The following EPN2 variants were observed in gnomAD, a reference collection of about 807,000 sequenced individuals.
EPN2 encodes epsin 2.
A neutral mutation model predicts 61.7 loss-of-function variants in EPN2; 34 were observed. That is an observed-to-expected ratio of 0.55 (90% CI 0.42 to 0.73). The LOEUF is 0.73. EPN2 is among the 30% of genes least tolerant of loss of function. The pLI, the probability that EPN2 is intolerant of heterozygous loss-of-function variation, is 0.00. For synonymous variants in EPN2, 349 were observed against 353.6 expected (o/e 0.99, Z 0.15); for missense variants, 714 against 839.2 (o/e 0.85, Z 1.84).
At chr17:19,310,785 T>A (rs1416491846) in intron 5 of EPN2, among the ~76,000 whole-genome samples, 1 of 151,824 alleles carries the variant, frequency 6.6e-6, no homozygotes, top group Non-Finnish European at 1.5e-5. Flanking sequence ...ACCATGTTGG[T>A]CGGGCTGGTC....
rs374621799 is a variant in EPN2, at chr17:19,327,695, T to C, written c.1148-1016T>C. ...TGATAAATAAATGAATACACACACA[T>C]ATTTAGACACACATACATATACATA... On this transcript the variant is annotated intron_variant, in intron 7 of 10. Transcript: ENST00000314728. Among the ~76,000 whole-genome samples the C allele has an allele frequency of 5.9e-5, 9 of 152,084 alleles. No homozygotes were observed. In the South Asian group the frequency reaches 6.2e-4, roughly 11 times the overall value.
intron 4 of EPN2, among the ~76,000 whole-genome samples, chr17:19,308,898 G>T (rs1208580777): frequency 6.6e-6 from 1 of 152,204 alleles, no homozygotes; most frequent in Admixed American, 6.5e-5. Context: ...CTCCCGTGGG[G>T]TTTGTTACAT....
chr17:19,248,541 T>A (rs2044978137), intron 1 of EPN2: 1 of 152,224 alleles, frequency 6.6e-6, no homozygotes, highest in Admixed American at 6.5e-5. Flanking sequence ...TTAGATAGAT[T>A]CAGTTTATTA....
At chr17:19,258,042 G>A (rs192606529) in intron 1 of EPN2, 32 of 153,710 alleles carry the variant, frequency 2.1e-4, no homozygotes, top group Admixed American at 6.5e-4. Context: ...GGGAGGCCAG[G>A]AGGGAGCTGT....
In EPN2 at chr17:19,283,982, G is replaced by A. The variant is rs1040165153; in HGVS notation, c.595+268G>A. Among the ~76,000 whole-genome samples, 2 of 152,198 alleles carry A rather than the reference G, an allele frequency of 1.3e-5. No individual in the cohort carries two copies. The highest frequency in any genetic ancestry group is 2.9e-5 in the Non-Finnish European group (2 of 68,038). On this transcript the variant is annotated intron_variant, in intron 3 of 10. Coordinates refer to ENST00000314728, the MANE Select transcript of EPN2 (RefSeq NM_014964.5). This position sits in a 1 kb window ranked among gnomAD's most constrained non-coding sequence, Gnocchi z 7.0. ...CTCATTCTGTACATCTGGGCAGACG[G>A]TGGGCAGAGGCAGGTCTTTTCTGCT...
In EPN2 at chr17:19,335,578, C is replaced by G; in HGVS notation, c.*1324C>G. On this transcript the variant is annotated 3_prime_UTR_variant, in exon 11 of 11. Coordinates refer to ENST00000314728, the MANE Select transcript of EPN2 (RefSeq NM_014964.5). The stretch of plus-strand genomic sequence containing the variant: ...GCGTGGGGTGGGGGGTGCTTCTGTG[C>G]CCACGGGTCCCTGGGCAACAGTCCC... The G allele has an allele frequency of 1.8e-6, 2 of 1,114,596 alleles. No homozygotes were observed. Among genetic ancestry groups the G allele is most frequent in the Non-Finnish European group, 2.5e-6 (2 of 799,536 alleles). 69.0% of individuals were successfully genotyped at this position (1,114,596 alleles called of 1,614,324 possible). A position where few individuals can be genotyped will look rare whatever the true frequency, so the allele number is the denominator to read the frequency against.
At chr17:19,248,367 G>A (rs774394731) in intron 1 of EPN2, 2 of 152,194 alleles carry the variant, frequency 1.3e-5, no homozygotes, top group Non-Finnish European at 2.9e-5. Flanking sequence ...CTGCATTTTA[G>A]CCACAGAGCA....
chr17:19,249,442 C>T (rs1264953868), intron 1 of EPN2: 1 of 152,234 alleles, frequency 6.6e-6, no homozygotes, highest in Non-Finnish European at 1.5e-5. Context: ...TGTGATTAAA[C>T]AGTCTCTTGG....
At chr17:19,240,822 A>T (rs571499726) in intron 1 of EPN2, among the ~76,000 whole-genome samples, 7 of 152,146 alleles carry the variant, frequency 4.6e-5, no homozygotes, top group Admixed American at 2.0e-4. Flanking sequence ...GCTTGTCTTT[A>T]CTTCTCCAGT....
chr17:19,319,834 G>A (rs1400103958), intron 7 of EPN2, among the ~76,000 whole-genome samples: 1 of 152,140 alleles, frequency 6.6e-6, no homozygotes, highest in Non-Finnish European at 1.5e-5. Flanking sequence ...TTTTATTAGA[G>A]ACAGGGTTTC....
rs186480513 is a variant in EPN2 at position 19,305,612 on chromosome 17, C to A, written c.767-4273C>A. Reference sequence around the variant, plus strand: ...TTCTACCAACTCGATTGCCTTCTTTCACAGTTACCTGAAAGTGGCCCACTG... The same window carrying A: ...TTCTACCAACTCGATTGCCTTCTTTAACAGTTACCTGAAAGTGGCCCACTG... On this transcript the variant is annotated intron_variant, in intron 4 of 10. Transcript: ENST00000314728. Among the ~76,000 whole-genome samples the A allele has an allele frequency of 4.6e-5, 7 of 152,296 alleles. No individual in the cohort carries two copies. The East Asian group carries it at 7.7e-4, about 17-fold the overall frequency.
intron 7 of EPN2, among the ~76,000 whole-genome samples, chr17:19,328,314 C>T (rs1454357432): frequency 1.3e-5 from 2 of 152,074 alleles, no homozygotes; most frequent in Non-Finnish European, 2.9e-5. Flanking sequence ...TGCCTGGGGC[C>T]CCTTGTCTGA....
At chr17:19,292,804 C>A (rs2045478252) in intron 4 of EPN2, among the ~76,000 whole-genome samples, 1 of 152,230 alleles carries the variant, frequency 6.6e-6, no homozygotes, top group Non-Finnish European at 1.5e-5. Context: ...AGTCCATTTG[C>A]TTCTCACAGT....
chr17:19,319,330 A>C lies in EPN2; in HGVS notation c.1147+6051A>C, dbSNP rs138006518. 4.1e-3 allele frequency among the ~76,000 whole-genome samples: 631 copies of C among 152,124 alleles called. 4 individuals carry two copies. Among genetic ancestry groups the C allele is most frequent in the African/African-American group, 0.014 (596 of 41,464 alleles). Reference sequence around the variant, plus strand: ...GATGGAAGGACAGATTCTACTTTTTAAATTTTTTTTTTGAGATGGAGTCTC... The same window carrying C: ...GATGGAAGGACAGATTCTACTTTTTCAATTTTTTTTTTGAGATGGAGTCTC... On this transcript the variant is annotated intron_variant, in intron 7 of 10. Transcript: ENST00000314728.
In EPN2 at chr17:19,303,594, TG is replaced by T. The variant is rs3837834; in HGVS notation, c.767-6286del. Among the ~76,000 whole-genome samples the T allele has an allele frequency of 6.5e-3, 988 of 152,262 alleles. 54 individuals are homozygous for T. The East Asian group carries it at 0.12, about 18-fold the overall frequency. On this transcript the variant is annotated intron_variant, in intron 4 of 10. Coordinates refer to ENST00000314728, the MANE Select transcript of EPN2 (RefSeq NM_014964.5). The stretch of plus-strand genomic sequence containing the variant: ...AGCGTTTTGCTGGGACTGTCATAGA[TG>T]GGGGTATGACGTCACCTGACAGGCA...
intron 1 of EPN2, chr17:19,274,131 A>C (rs1014939042): frequency 6.6e-6 from 1 of 152,328 alleles, no homozygotes; most frequent in South Asian, 2.1e-4. Flanking sequence ...GGAGTATTGC[A>C]CACATTCAGG....
intron 4 of EPN2, among the ~76,000 whole-genome samples, chr17:19,287,163 C>T (rs893579195): frequency 2.0e-5 from 3 of 151,938 alleles, no homozygotes; most frequent in Admixed American, 1.3e-4. Flanking sequence ...TCCCCCACTG[C>T]GGCTGTCTTT....
intron 1 of EPN2, among the ~76,000 whole-genome samples, chr17:19,245,125 A>G (rs949637056): frequency 2.6e-5 from 4 of 152,170 alleles, no homozygotes; most frequent in African/African-American, 7.2e-5. Flanking sequence ...AGTTGTTTCT[A>G]TGATAACAGC....
At chr17:19,321,937 C>T (rs536805589) in intron 7 of EPN2, among the ~76,000 whole-genome samples, 9 of 152,274 alleles carry the variant, frequency 5.9e-5, no homozygotes, top group African/African-American at 2.2e-4. Context: ...CCAGCTGGGA[C>T]AGAGAGCTGA....
Sources: gnomAD v4.1 joint callset for allele counts (sites outside exome capture counted in the v4.1 genomes callset) on GRCh38, gnomAD v4.1.1 for gene constraint, Gnocchi (gnomAD v3.1) non-coding constraint, MANE v1.5 for transcripts, NCBI Gene and HGNC (gene_info 2026-07-23, HGNC 2026-07-21) for gene names.